The following FAM200C variants were observed in gnomAD, a reference collection of about 807,000 sequenced individuals.
the FAM200C span, chr5:160,393,634 A>C: frequency 8.9e-7 from 1 of 1,121,182 alleles, no homozygotes; most frequent in Non-Finnish European, 1.3e-6. Context: ...ATAAATATGA[A>C]AGAGACAGAA....
chr5:160,396,755 CT>C, the FAM200C span, among the ~76,000 whole-genome samples: 1 of 147,060 alleles, frequency 6.8e-6, no homozygotes, highest in Admixed American at 6.8e-5. Context: ...CACAACTATT[CT>C]TGTTACCGAG....
At chr5:160,394,152 T>C in the FAM200C span, 1 of 1,612,816 alleles carries the variant, frequency 6.2e-7, no homozygotes, top group Non-Finnish European at 8.5e-7. Context: ...TGCAGTGTTA[T>C]TTCAGCTGCA....
At chr5:160,394,138 C>G in the FAM200C span, 1 of 1,613,426 alleles carries the variant, frequency 6.2e-7, no homozygotes. Context: ...TCAATTGTTG[C>G]AGATGCAGTG....
chr5:160,397,347 T>C, the FAM200C span: 2 of 152,362 alleles, frequency 1.3e-5, no homozygotes, highest in Non-Finnish European at 2.9e-5. Flanking sequence ...CAGCCTCCTA[T>C]GAAAGTTGAA....
At chr5:160,394,328 C>A in the FAM200C span, 2 of 1,613,864 alleles carry the variant, frequency 1.2e-6, no homozygotes, top group Non-Finnish European at 1.7e-6. Context: ...CATAGATGCA[C>A]TGAGTTCATT....
chr5:160,394,717 G>A, the FAM200C span: 14 of 1,613,862 alleles, frequency 8.7e-6, no homozygotes, highest in Non-Finnish European at 1.1e-5. Context: ...CTTTTTTCAC[G>A]TAGGCAACAA....
chr5:160,395,645 C>A, the FAM200C span: 1 of 661,988 alleles, frequency 1.5e-6, no homozygotes, highest in Non-Finnish European at 2.6e-6. Flanking sequence ...CAGCCTGCAG[C>A]ATGTCAATTC....
the FAM200C span, chr5:160,395,656 GAAGT>G: frequency 1.6e-6 from 1 of 640,440 alleles, no homozygotes; most frequent in African/African-American, 1.8e-5. Context: ...ATGTCAATTC[GAAGT>G]AAGCCATGAC....
At chr5:160,394,788 C>G in the FAM200C span, 1 of 1,613,886 alleles carries the variant, frequency 6.2e-7, no homozygotes, top group Non-Finnish European at 8.5e-7. Context: ...CCACATACAT[C>G]AAGTGCTATC....
the FAM200C span, chr5:160,393,672 A>T: frequency 7.4e-7 from 1 of 1,359,846 alleles, no homozygotes; most frequent in Non-Finnish European, 1.0e-6. Flanking sequence ...AATGATATTA[A>T]GATTGAAATT....
At chr5:160,393,269 C>CT in the FAM200C span, 1 of 161,798 alleles carries the variant, frequency 6.2e-6, no homozygotes, top group South Asian at 1.8e-4. Context: ...CAGATCATTC[C>CT]TTTTCCCATT....
chr5:160,399,502 T>C, the FAM200C span: 2 of 152,226 alleles, frequency 1.3e-5, no homozygotes, highest in Admixed American at 1.3e-4. Context: ...TTAAAATCAA[T>C]AGCCAGGAGA....
At chr5:160,394,026 A>T in the FAM200C span, 2 of 1,612,186 alleles carry the variant, frequency 1.2e-6, no homozygotes, top group Non-Finnish European at 1.7e-6. Flanking sequence ...TTCATTAAAT[A>T]ACTATCATCA....
chr5:160,397,141 A>G, the FAM200C span, among the ~76,000 whole-genome samples: 2 of 152,244 alleles, frequency 1.3e-5, no homozygotes, highest in Non-Finnish European at 2.9e-5. Flanking sequence ...TATCTTCTCC[A>G]GAAGCAGAAC....
At chr5:160,395,115 T>A in the FAM200C span, 2 of 1,614,076 alleles carry the variant, frequency 1.2e-6, no homozygotes, top group Non-Finnish European at 8.5e-7. Context: ...CCCAAAACTA[T>A]TTGTGCTATT....
At chr5:160,395,407 TG>T in the FAM200C span, 1 of 1,614,182 alleles carries the variant, frequency 6.2e-7, no homozygotes, top group Non-Finnish European at 8.5e-7. Flanking sequence ...ACACACACTG[TG>T]GACGCTGAGT....
chr5:160,395,647 T>G, the FAM200C span: 1 of 660,566 alleles, frequency 1.5e-6, no homozygotes, highest in Non-Finnish European at 2.7e-6. Flanking sequence ...GCCTGCAGCA[T>G]GTCAATTCGA....
chr5:160,398,085 T>C, the FAM200C span, among the ~76,000 whole-genome samples: 13 of 152,106 alleles, frequency 8.5e-5, no homozygotes, highest in African/African-American at 3.1e-4. Flanking sequence ...CTACTAAAAA[T>C]ACAAAAATTA....
chr5:160,396,415 A>G, the FAM200C span, among the ~76,000 whole-genome samples: 1 of 152,150 alleles, frequency 6.6e-6, no homozygotes, highest in East Asian at 1.9e-4. Flanking sequence ...CTTGCTGCTA[A>G]GTGTAACACA....
Sources: gnomAD v4.1 joint callset for allele counts (sites outside exome capture counted in the v4.1 genomes callset) on GRCh38, gnomAD v4.1.1 for gene constraint, MANE v1.5 for transcripts.